DACH1: variants seen among roughly 807,000 people sequenced by gnomAD.
DACH1 encodes the protein dachshund homolog 1.
Under a neutral mutation model 54.2 loss-of-function variants are expected in DACH1, and 12 were observed. That is an observed-to-expected ratio of 0.22 (90% CI 0.14 to 0.36). The LOEUF (loss-of-function observed/expected upper bound fraction) is 0.36, where lower values mean the gene tolerates loss of function less well. Among genes scored for constraint, DACH1 ranks in the 10% least tolerant of loss-of-function variants. DACH1 has a pLI of 1.00. For synonymous variants in DACH1, 386 were observed against 366.2 expected, an observed-to-expected ratio of 1.05 and a Z score of -0.62; for missense variants, 805 against 929.8, an observed-to-expected ratio of 0.87 and a Z score of 1.75.
intron 4 of DACH1, among the ~76,000 whole-genome samples, chr13:71,564,661 C>A (rs1278405494): frequency 6.6e-6 from 1 of 152,060 alleles, no homozygotes; most frequent in African/African-American, 2.4e-5. Context: ...CAGTACTACA[C>A]ACATGTGATT....
At chr13:71,769,100 G>C (rs1234739706) in intron 1 of DACH1, among the ~76,000 whole-genome samples, 1 of 151,786 alleles carries the variant, frequency 6.6e-6, no homozygotes, top group Admixed American at 6.6e-5. Context: ...AGTACAAATA[G>C]TGTGAGTTTG....
At chr13:71,497,795 C>A (rs1879561164) in intron 6 of DACH1, among the ~76,000 whole-genome samples, 1 of 151,320 alleles carries the variant, frequency 6.6e-6, no homozygotes, top group Non-Finnish European at 1.5e-5. Context: ...TGGGAAAGGG[C>A]AAAGAATATG....
chr13:71,824,664 G>GA (rs1438257442), intron 1 of DACH1, among the ~76,000 whole-genome samples: 1 of 151,868 alleles, frequency 6.6e-6, no homozygotes, highest in Non-Finnish European at 1.5e-5. Flanking sequence ...TTCTGCTTTG[G>GA]AAAATAACTC....
rs894434681 is a variant in DACH1, at chr13:71,572,779, G to T, written c.1299+61C>A. On this transcript the variant is annotated intron_variant, in intron 4 of 10. Coordinates refer to ENST00000613252, the MANE Select transcript of DACH1 (RefSeq NM_080759.6). ...GATGTACTTATGGAATAAGAAAAATGGATTAAGGGATGGTGGCTTAAGATG... is the reference window on the plus strand; with the variant it reads ...GATGTACTTATGGAATAAGAAAAATTGATTAAGGGATGGTGGCTTAAGATG... The T allele has an allele frequency of 4.6e-6, 7 of 1,514,816 alleles. No individual in the cohort carries two copies. In the East Asian group the frequency reaches 9.2e-5, roughly 20 times the overall value. The allele number at this position is 1,514,816 out of a possible 1,614,324, so 93.8% of individuals were successfully genotyped here.
chr13:71,607,380 G>C (rs1874953042), intron 3 of DACH1, among the ~76,000 whole-genome samples: 1 of 151,892 alleles, frequency 6.6e-6, no homozygotes, highest in Non-Finnish European at 1.5e-5. Context: ...AAGACAGTTA[G>C]ATTGTACAGG....
At chr13:71,539,337 C>T (rs2138326136) in intron 6 of DACH1, among the ~76,000 whole-genome samples, 1 of 152,076 alleles carries the variant, frequency 6.6e-6, no homozygotes, top group East Asian at 1.9e-4. Context: ...TAAAGTTCAG[C>T]AATGACAACC....
intron 3 of DACH1, among the ~76,000 whole-genome samples, chr13:71,575,759 A>G (rs2138421474): frequency 1.3e-5 from 2 of 152,232 alleles, no homozygotes; most frequent in South Asian, 4.1e-4. Flanking sequence ...CTCACTACAT[A>G]GAATGCTTCT....
intron 2 of DACH1, among the ~76,000 whole-genome samples, chr13:71,647,561 G>C (rs532970363): frequency 2.0e-5 from 3 of 152,272 alleles, no homozygotes; most frequent in Admixed American, 6.5e-5. Flanking sequence ...CATCTAAAAG[G>C]CTCTAACTGG....
rs909863296 is a variant in DACH1 at position 71,855,207 on chromosome 13, A to G, written c.848+10715T>C. On this transcript the variant is annotated intron_variant, in intron 1 of 10. Transcript: ENST00000613252. ...AATGGTTTATTCAATGTTAAGTGAG[A>G]AAAGAATAAAAAGTCTTTGGAATTC... Among the ~76,000 whole-genome samples the G allele has an allele frequency of 4.6e-5, 7 of 152,074 alleles. No homozygotes were observed. The South Asian group carries it at 8.3e-4, about 18-fold the overall frequency.
rs189954933 is a variant in DACH1, at chr13:71,669,612, C to T, written c.964+12183G>A. ...AAAAAATGTCTTCCACAAAACCAGT[C>T]CCTGGTGCCAAAAAGGTTGGGGACT... On this transcript the variant is annotated intron_variant, in intron 2 of 10. Transcript: ENST00000613252. 2.4e-3 allele frequency among the ~76,000 whole-genome samples: 365 copies of T among 152,248 alleles called. 2 individuals are homozygous for T. Among genetic ancestry groups the T allele is most frequent in the African/African-American group, 8.4e-3 (350 of 41,556 alleles).
intron 10 of DACH1, among the ~76,000 whole-genome samples, chr13:71,457,433 A>C (rs1487282942): frequency 6.6e-6 from 1 of 151,954 alleles, no homozygotes; most frequent in Non-Finnish European, 1.5e-5. Context: ...TTCTAATTTC[A>C]TGTACATAAT....
chr13:71,741,452 A>G (rs1373176992), intron 1 of DACH1, among the ~76,000 whole-genome samples: 1 of 152,204 alleles, frequency 6.6e-6, no homozygotes, highest in African/African-American at 2.4e-5. Context: ...GGAAGTATTA[A>G]AATGAAAAAG....
intron 5 of DACH1, among the ~76,000 whole-genome samples, chr13:71,558,816 T>C (rs1283669479): frequency 6.6e-6 from 1 of 152,092 alleles, no homozygotes; most frequent in Non-Finnish European, 1.5e-5. Context: ...AACTTAATCT[T>C]TAAATTATCC....
At chr13:71,477,181 C>G (rs751307105) in intron 8 of DACH1, among the ~76,000 whole-genome samples, 3 of 131,398 alleles carry the variant, frequency 2.3e-5, no homozygotes, top group South Asian at 2.5e-4. Context: ...AGTGCAGTGG[C>G]GCGATCTTGG....
intron 1 of DACH1, among the ~76,000 whole-genome samples, chr13:71,735,163 A>G (rs898162256): frequency 6.6e-6 from 1 of 151,442 alleles, no homozygotes; most frequent in African/African-American, 2.4e-5. Context: ...ATACATGTAT[A>G]TGGGATACTC....
At position 71,866,521 on chromosome 13, in the gene DACH1, TCCGCTGCCGCCGCCGCCGCCG is replaced by T; in HGVS notation, c.228_248del (p.Gly81_Gly87del). ...CGTTGCCGCTGCTGCCGCCGCCGCC[TCCGCTGCCGCCGCCGCCGCCG>T]CCGCCGCCGGTAGAGGTGACTGTGG... On this transcript the variant is annotated inframe_deletion, in exon 1 of 11. Transcript: ENST00000613252. 1.9e-6 allele frequency: 2 copies of T among 1,076,490 alleles called. No homozygotes were observed. Among genetic ancestry groups the T allele is most frequent in the Non-Finnish European group, 2.2e-6 (2 of 893,230 alleles). 66.7% of individuals were successfully genotyped at this position (1,076,490 alleles called of 1,614,324 possible). A position where few individuals can be genotyped will look rare whatever the true frequency, so the allele number is the denominator to read the frequency against.
intron 1 of DACH1, among the ~76,000 whole-genome samples, chr13:71,830,184 G>C (rs922911042): frequency 6.6e-6 from 1 of 151,800 alleles, no homozygotes; most frequent in African/African-American, 2.4e-5. Flanking sequence ...AACAGATTCA[G>C]AAAATATCTG....
intron 1 of DACH1, among the ~76,000 whole-genome samples, chr13:71,833,012 G>A (rs528488437): frequency 1.3e-5 from 2 of 151,652 alleles, no homozygotes; most frequent in Non-Finnish European, 2.9e-5. Flanking sequence ...AATCCATATA[G>A]CTTCAGAAAG....
chr13:71,489,264 A>G (rs1361894916), intron 6 of DACH1, 116 bp from the exon 7 acceptor site: 3 of 1,171,822 alleles, frequency 2.6e-6, no homozygotes, highest in Non-Finnish European at 3.6e-6. Flanking sequence ...GGTTCCTGCT[A>G]TCAGGAGAAA....
Sources: gnomAD v4.1 joint callset for allele counts (sites outside exome capture counted in the v4.1 genomes callset) on GRCh38, gnomAD v4.1.1 for gene constraint, MANE v1.5 for transcripts, NCBI Gene and HGNC (gene_info 2026-07-23, HGNC 2026-07-21) for gene names.